EPG5: variants seen among roughly 807,000 people sequenced by gnomAD.
EPG5 encodes the protein ectopic P-granules 5 autophagy tethering factor, also known as ectopic P granules protein 5 homolog.
A neutral mutation model predicts 302.7 loss-of-function variants in EPG5; 159 were observed. The ratio of observed to expected loss-of-function variants is 0.53; its 90% CI spans 0.46 to 0.60. EPG5 has a LOEUF of 0.60. Among genes scored for constraint, EPG5 ranks in the 20% least tolerant of loss-of-function variants. EPG5 has a pLI of 0.00. For missense variants in EPG5, 2,896 were observed against 3,092.4 expected (o/e 0.94, Z 1.51); for synonymous variants, 1,158 against 1,136.8 (o/e 1.02, Z -0.37).
the EPG5 span, among the ~76,000 whole-genome samples, chr18:45,816,588 C>T: frequency 2.6e-5 from 4 of 152,202 alleles, no homozygotes; most frequent in Admixed American, 1.3e-4. Flanking sequence ...ATACCACTTA[C>T]ATAATGCAGG....
At position 45,967,006 on chromosome 18, in the gene EPG5, T is replaced by C. The variant is rs1013914959; in HGVS notation, c.63+171A>G. Among the ~76,000 whole-genome samples the C allele has an allele frequency of 2.0e-5, 3 of 151,564 alleles. No individual in the cohort carries two copies. In the South Asian group the frequency reaches 6.2e-4, roughly 32 times the overall value. On this transcript the variant is annotated intron_variant, in intron 1 of 43. Transcript: ENST00000282041. ...GTGGCAGGGGGATATGGAGAAGGAA[T>C]GGAGGAGAAGGGCCGGTGTCAACGG...
At chr18:45,920,204 C>T (rs1208837421) in intron 16 of EPG5, among the ~76,000 whole-genome samples, 1 of 152,204 alleles carries the variant, frequency 6.6e-6, no homozygotes, top group African/African-American at 2.4e-5. Context: ...AGTATAAGAT[C>T]TAGAGATACA....
chr18:45,829,292 T>G, the EPG5 span: 4 of 318,032 alleles, frequency 1.3e-5, no homozygotes, highest in African/African-American at 2.2e-5. Flanking sequence ...TTTCACTCAC[T>G]ACTCACACCT....
chr18:45,865,315 C>T (rs2048721160), intron 39 of EPG5, among the ~76,000 whole-genome samples: 1 of 152,166 alleles, frequency 6.6e-6, no homozygotes, highest in Non-Finnish European at 1.5e-5. Flanking sequence ...TTCTGAAGTG[C>T]CCTCCCAGTT....
chr18:45,963,976 G>T (rs924783177), intron 1 of EPG5, among the ~76,000 whole-genome samples: 2 of 152,198 alleles, frequency 1.3e-5, no homozygotes, highest in Non-Finnish European at 2.9e-5. Flanking sequence ...AAGACTTAGT[G>T]AATGATCAGA....
chr18:45,919,815 A>G (rs936898032), intron 16 of EPG5, among the ~76,000 whole-genome samples: 2 of 151,896 alleles, frequency 1.3e-5, no homozygotes, highest in Admixed American at 1.3e-4. Context: ...CCCGGCCTAC[A>G]TGTGCTCTGA....
chr18:45,817,246 G>C, the EPG5 span, among the ~76,000 whole-genome samples: 810 of 152,086 alleles, frequency 5.3e-3, 5 homozygotes, highest in Middle Eastern at 0.024. Context: ...AACACCACCT[G>C]TTCCCCAATA....
At chr18:45,825,756 T>A in the EPG5 span, 11 of 1,614,248 alleles carry the variant, frequency 6.8e-6, no homozygotes, top group East Asian at 2.5e-4. Flanking sequence ...GCTGCTGGCC[T>A]GCTTGGCGTG....
At chr18:45,819,710 G>A in the EPG5 span, among the ~76,000 whole-genome samples, 1 of 152,150 alleles carries the variant, frequency 6.6e-6, no homozygotes, top group African/African-American at 2.4e-5. Context: ...GCTTGAATCA[G>A]CCTCTCACAG....
In EPG5 at chr18:45,934,903, C is replaced by T. The variant is rs1426540532; in HGVS notation, c.2163G>A (p.Trp721Ter). 1 of 1,614,152 alleles carries T rather than the reference C, an allele frequency of 6.2e-7. No homozygotes were observed. Residue 721 changes from tryptophan (W) to a stop codon, truncating the protein, a stop_gained, in exon 11 of 44, where the codon TGG (tryptophan) becomes TGA (stop). Transcript: ENST00000282041. LOFTEE classifies it high-confidence loss of function. The part of the protein sequence containing the change: ...PFGTLSVQML[W>*]KLFYLMHQVE... ...CCTGGTGCATGAGGTAGAAGAGCTT[C>T]CACAGCATTTGCACAGACAGAGTCC...
intron 13 of EPG5, 29 bp downstream of exon 13, chr18:45,928,840 A>G: frequency 6.3e-7 from 1 of 1,592,272 alleles, no homozygotes; most frequent in South Asian, 1.1e-5. Context: ...ATTTGAAAAA[A>G]CAAAAACAAA....
chr18:45,952,623 C>G lies in EPG5; in HGVS notation c.1029G>C (p.Val343=), dbSNP rs373995336. The G allele has an allele frequency of 5.8e-5, 94 of 1,614,128 alleles. No homozygotes were observed. In the African/African-American group the frequency reaches 1.2e-3, roughly 20 times the overall value. Residue 343 remains valine, a synonymous_variant, in exon 3 of 44, where the codon GTG becomes GTC. Transcript: ENST00000282041. The part of the protein sequence containing the change: ...MSVQGICADQ[V]KVFSYHRYQR... ...GGTAGCGATGATAGCTGAAAACTTT[C>G]ACTTGATCTGCACAGATACCCTACC...
intron 31 of EPG5, among the ~76,000 whole-genome samples, chr18:45,880,642 G>T (rs952238553): frequency 2.6e-5 from 4 of 152,150 alleles, no homozygotes; most frequent in African/African-American, 9.7e-5. Flanking sequence ...CTCTCCAGAA[G>T]GAGTCTCCTA....
At position 45,939,707 on chromosome 18, in the gene EPG5, A is replaced by G. The variant is rs377198936; in HGVS notation, c.1992T>C (p.His664=). 6.2e-7 allele frequency: 1 copy of G among 1,613,940 alleles called. No individual in the cohort carries two copies. The highest frequency in any genetic ancestry group is 8.5e-7 in the Non-Finnish European group (1 of 1,180,022). ...GTTGGGCCAATCCTGAGCCTTGGTTATGGCTCACATACTGTGCCCAATGGT... is the reference window on the plus strand; with the variant it reads ...GTTGGGCCAATCCTGAGCCTTGGTTGTGGCTCACATACTGTGCCCAATGGT... ...VSDHWAQYVS[H]NQGSGLAQQP... Residue 664 remains histidine (H), a synonymous_variant, in exon 10 of 44, where the codon CAT becomes CAC. Coordinates refer to ENST00000282041, the MANE Select transcript of EPG5 (RefSeq NM_020964.3).
chr18:45,844,353 C>A (rs2048348964), downstream of EPG5, among the ~76,000 whole-genome samples: 1 of 151,730 alleles, frequency 6.6e-6, no homozygotes, highest in African/African-American at 2.4e-5. Context: ...TTTGCTAGCA[C>A]AAGAGGGCGA....
intron 6 of EPG5, among the ~76,000 whole-genome samples, chr18:45,947,406 C>A (rs542241596): frequency 4.3e-4 from 65 of 151,690 alleles, no homozygotes; most frequent in African/African-American, 1.6e-3. Flanking sequence ...AGAGAGACTC[C>A]CTCTCAAAAA....
chr18:45,827,643 A>G, the EPG5 span, among the ~76,000 whole-genome samples: 7 of 152,316 alleles, frequency 4.6e-5, no homozygotes, highest in South Asian at 1.2e-3. Flanking sequence ...GCCACCTTGA[A>G]GAGGAGCTGG....
intron 27 of EPG5, among the ~76,000 whole-genome samples, chr18:45,897,412 T>C (rs1436897152): frequency 6.6e-6 from 1 of 152,164 alleles, no homozygotes; most frequent in East Asian, 1.9e-4. Context: ...AAGACACCCC[T>C]TTTTTTATTA....
intron 13 of EPG5, among the ~76,000 whole-genome samples, chr18:45,927,321 A>G (rs1210339826): frequency 6.6e-6 from 1 of 152,090 alleles, no homozygotes; most frequent in African/African-American, 2.4e-5. Flanking sequence ...TTACAGGCGT[A>G]AGCCACTGTG....
Sources: allele counts gnomAD v4.1 joint callset (sites outside exome capture counted in the v4.1 genomes callset), GRCh38; gene constraint gnomAD v4.1.1; transcripts MANE v1.5; gene names NCBI Gene and HGNC (gene_info 2026-07-23, HGNC 2026-07-21).